UXS1: variants seen among roughly 807,000 people sequenced by gnomAD.
UXS1 encodes the protein UDP-glucuronate decarboxylase 1.
UXS1 carries 33 observed loss-of-function variants against 62.6 expected under a neutral mutation model. That is an observed-to-expected ratio of 0.53 (90% CI 0.40 to 0.70). UXS1 has a LOEUF of 0.70. Among genes scored for constraint, UXS1 ranks in the 30% least tolerant of loss-of-function variants. UXS1 has a pLI of 0.00. For missense variants in UXS1, 434 were observed against 556.3 expected (o/e 0.78, Z 2.21); for synonymous variants, 213 against 206.8 (o/e 1.03, Z -0.26).
chr2:106,172,575 G>A (rs1476960065), intron 1 of UXS1, among the ~76,000 whole-genome samples: 2 of 152,142 alleles, frequency 1.3e-5, no homozygotes, highest in African/African-American at 4.8e-5. Flanking sequence ...GACAGAGATG[G>A]GGCTGGGGGT....
rs144491803 is a variant in UXS1 at position 106,120,231 on chromosome 2, A to G, written c.759+2739T>C. ...GAAGAACACACTGCACCTTCTTCAC[A>G]GGCCTCCTGGAGCTCAGGCAATACC... On this transcript the variant is annotated intron_variant, in intron 9 of 14. Transcript: ENST00000283148. 3.5e-3 allele frequency among the ~76,000 whole-genome samples: 528 copies of G among 152,316 alleles called. 2 individuals carry two copies. Among genetic ancestry groups the G allele is most frequent in the Non-Finnish European group, 6.2e-3 (422 of 68,024 alleles).
intron 9 of UXS1, 36 bp from the exon 10 acceptor site, chr2:106,112,801 CCT>C (rs757516008): frequency 3.0e-5 from 48 of 1,601,164 alleles, no homozygotes; most frequent in Non-Finnish European, 3.8e-5. Flanking sequence ...GGTGTGCTCC[CCT>C]GTGTGGTCCA....
At chr2:106,166,254 A>G (rs1004475088) in intron 1 of UXS1, 171 bp from the exon 2 acceptor site, 16 of 663,006 alleles carry the variant, frequency 2.4e-5, no homozygotes, top group African/African-American at 2.4e-4. Flanking sequence ...TTACTACAAA[A>G]TAAGTAAAAA....
chr2:106,193,138 C>T (rs1373157900), intron 1 of UXS1, among the ~76,000 whole-genome samples: 2 of 152,136 alleles, frequency 1.3e-5, no homozygotes, highest in Non-Finnish European at 2.9e-5. Context: ...TGGATCTACT[C>T]ATACTTGCCT....
At chr2:106,118,215 C>T (rs1193537900) in intron 9 of UXS1, among the ~76,000 whole-genome samples, 1 of 103,618 alleles carries the variant, frequency 9.7e-6, no homozygotes, top group Non-Finnish European at 2.1e-5. Context: ...CCTGGTTTGG[C>T]TGCTTACTTT....
chr2:106,124,344 C>T (rs887548959), intron 8 of UXS1, among the ~76,000 whole-genome samples: 1 of 152,134 alleles, frequency 6.6e-6, no homozygotes, highest in African/African-American at 2.4e-5. Context: ...ACTGAAATGC[C>T]CAGGATGCCA....
chr2:106,143,557 C>A (rs575539842), intron 6 of UXS1, among the ~76,000 whole-genome samples: 3 of 152,042 alleles, frequency 2.0e-5, no homozygotes, highest in Admixed American at 2.0e-4. Context: ...ATTCACGATC[C>A]GATCTGACAG....
intron 10 of UXS1, among the ~76,000 whole-genome samples, chr2:106,109,163 T>A (rs1030709787): frequency 3.9e-5 from 6 of 152,100 alleles, no homozygotes; most frequent in Non-Finnish European, 8.8e-5. Flanking sequence ...TATTTGGAGT[T>A]GATCCCAGTC....
chr2:106,114,654 G>A (rs566003185), intron 9 of UXS1, among the ~76,000 whole-genome samples: 30 of 152,236 alleles, frequency 2.0e-4, no homozygotes, highest in Non-Finnish European at 3.1e-4. Flanking sequence ...ACAATATTCC[G>A]GAACATGGCC....
At chr2:106,189,189 A>AT (rs1295684789) in intron 1 of UXS1, among the ~76,000 whole-genome samples, 1 of 151,820 alleles carries the variant, frequency 6.6e-6, no homozygotes, top group Non-Finnish European at 1.5e-5. Flanking sequence ...TAACTGAAGA[A>AT]TAAGTGTTTC....
At chr2:106,191,703 G>C (rs1419360946) in intron 1 of UXS1, among the ~76,000 whole-genome samples, 1 of 152,134 alleles carries the variant, frequency 6.6e-6, no homozygotes, top group East Asian at 1.9e-4. Flanking sequence ...CTTGGCTGCC[G>C]CAGGACCTCT....
chr2:106,101,217 AG>A, intron 11 of UXS1, 99 bp from the exon 12 acceptor site: 1 of 1,285,504 alleles, frequency 7.8e-7, no homozygotes, highest in Non-Finnish European at 1.1e-6. Flanking sequence ...TACCACCCCC[AG>A]GAGAAAACAA....
chr2:106,156,471 A>G (rs1682432661), intron 5 of UXS1, among the ~76,000 whole-genome samples: 1 of 152,236 alleles, frequency 6.6e-6, no homozygotes, highest in African/African-American at 2.4e-5. Context: ...TCTGGCAAAC[A>G]GCAGTTCCTC....
chr2:106,153,866 C>CATAG (rs1682223759), intron 5 of UXS1, among the ~76,000 whole-genome samples: 2 of 152,248 alleles, frequency 1.3e-5, no homozygotes, highest in African/African-American at 4.8e-5. Flanking sequence ...TAAAGAAGTA[C>CATAG]ATAGATAATA....
chr2:106,099,315 A>G (rs1285654516), intron 12 of UXS1, among the ~76,000 whole-genome samples: 1 of 152,158 alleles, frequency 6.6e-6, no homozygotes, highest in East Asian at 1.9e-4. Flanking sequence ...GGCTTTAAGG[A>G]AAACCATTTG....
In UXS1 at chr2:106,190,604, G is replaced by A. The variant is rs376318196; in HGVS notation, c.94+3544C>T. On this transcript the variant is annotated intron_variant, in intron 1 of 14. Transcript: ENST00000283148. ...ACTAAAAATACAAAATTAGCCGGGC[G>A]TGGTGGCGCATGCCTGTAATCCCAG... Among the ~76,000 whole-genome samples the A allele has an allele frequency of 3.0e-4, 45 of 152,108 alleles. 2 individuals carry two copies. In the East Asian group the frequency reaches 6.8e-3, roughly 23 times the overall value.
chr2:106,144,998 A>G (rs1402362839), intron 6 of UXS1, among the ~76,000 whole-genome samples, 192 bp downstream of exon 6: 2 of 152,220 alleles, frequency 1.3e-5, no homozygotes, highest in Admixed American at 6.5e-5. Context: ...GAAGACGGCT[A>G]TTCACACTGT....
At chr2:106,161,581 T>A (rs1573541441) in intron 4 of UXS1, among the ~76,000 whole-genome samples, 1 of 152,288 alleles carries the variant, frequency 6.6e-6, no homozygotes, top group Non-Finnish European at 1.5e-5. Context: ...AGAGGCAGAA[T>A]GAGGTAACAA....
Position 106,116,744 on chromosome 2 carries a change from T to C in UXS1, c.760-3979A>G, listed in dbSNP as rs373928040. 7.2e-4 allele frequency among the ~76,000 whole-genome samples: 110 copies of C among 152,326 alleles called. 1 individual carries two copies. Among genetic ancestry groups the C allele is most frequent in the African/African-American group, 2.4e-3 (101 of 41,582 alleles). ...GCTTGAGCCTGTGTGACCACAGCTC[T>C]GATTACCGAGTGAATGGAAAACACT... is the stretch of plus-strand genomic sequence containing the variant. On this transcript the variant is annotated intron_variant, in intron 9 of 14. Coordinates refer to ENST00000283148, the MANE Select transcript of UXS1 (RefSeq NM_001253875.2).
Sources: gnomAD v4.1 joint callset for allele counts (sites outside exome capture counted in the v4.1 genomes callset) on GRCh38, gnomAD v4.1.1 for gene constraint, MANE v1.5 for transcripts, NCBI Gene and HGNC (gene_info 2026-07-23, HGNC 2026-07-21) for gene names.